The following SDK1 variants were observed in gnomAD, a reference collection of about 807,000 sequenced individuals.
SDK1 encodes the protein protein sidekick-1.
A neutral mutation model predicts 245.5 loss-of-function variants in SDK1; 157 were observed. That is an observed-to-expected ratio of 0.64 (90% CI 0.56 to 0.73). The LOEUF (loss-of-function observed/expected upper bound fraction) is 0.73, where lower values mean the gene tolerates loss of function less well. Ranked by LOEUF, SDK1 falls within the 30% of genes least tolerant of loss-of-function variation. The pLI is 0.00. For missense variants in SDK1, 3,583 were observed against 3,002.3 expected (o/e 1.19, Z -4.52); for synonymous variants, 1,647 against 1,278.5 (o/e 1.29, Z -6.15).
At chr7:3,541,886 C>T (rs1321942363) in intron 1 of SDK1, among the ~76,000 whole-genome samples, 1 of 152,070 alleles carries the variant, frequency 6.6e-6, no homozygotes, top group Non-Finnish European at 1.5e-5. Flanking sequence ...GTAATTTAAA[C>T]AGAGGAACAA....
chr7:3,780,533 A>T (rs1780699128), intron 4 of SDK1, among the ~76,000 whole-genome samples: 1 of 152,200 alleles, frequency 6.6e-6, no homozygotes, highest in Admixed American at 6.5e-5. Context: ...TGCCTTCATT[A>T]ACGTGGTAGG....
chr7:3,449,990 T>G (rs551975321), intron 1 of SDK1, among the ~76,000 whole-genome samples: 13 of 152,316 alleles, frequency 8.5e-5, no homozygotes, highest in African/African-American at 3.1e-4. Flanking sequence ...CGACGAGACT[T>G]CATGGAAGTG....
intron 1 of SDK1, among the ~76,000 whole-genome samples, chr7:3,354,962 C>T (rs575577568): frequency 7.9e-5 from 12 of 152,180 alleles, no homozygotes; most frequent in Non-Finnish European, 1.6e-4. Context: ...AAGTGGTTTA[C>T]TTTCTTGTGT....
chr7:3,913,908 G>C (rs1025617848), intron 5 of SDK1, among the ~76,000 whole-genome samples: 1 of 152,182 alleles, frequency 6.6e-6, no homozygotes, highest in Non-Finnish European at 1.5e-5. Context: ...ATTTGCCCCA[G>C]ATTACACATT....
chr7:4,017,945 G>A (rs898547048), intron 17 of SDK1, among the ~76,000 whole-genome samples: 4 of 152,180 alleles, frequency 2.6e-5, no homozygotes, highest in African/African-American at 7.2e-5. Context: ...CGGGTGCGGC[G>A]TGGCAGGCTT....
chr7:3,528,799 A>G (rs143239629), intron 1 of SDK1, among the ~76,000 whole-genome samples: 57 of 152,212 alleles, frequency 3.7e-4, no homozygotes, highest in African/African-American at 1.3e-3. Flanking sequence ...GAATTGTGCT[A>G]TTTATGAAAA....
At chr7:3,467,341 A>C (rs1348200131) in intron 1 of SDK1, among the ~76,000 whole-genome samples, 2 of 152,104 alleles carry the variant, frequency 1.3e-5, no homozygotes, top group Admixed American at 6.5e-5. Context: ...TTATTCATGT[A>C]ATTAAGAGCC....
chr7:3,775,273 A>C (rs973431876), intron 4 of SDK1, among the ~76,000 whole-genome samples: 1 of 152,330 alleles, frequency 6.6e-6, no homozygotes, highest in Non-Finnish European at 1.5e-5. Flanking sequence ...GTTTCTATTA[A>C]GTTGGACCAT....
chr7:4,067,740 C>G, intron 19 of SDK1, 98 bp from the exon 20 acceptor site: 1 of 831,202 alleles, frequency 1.2e-6, no homozygotes, highest in East Asian at 2.7e-5. Flanking sequence ...AGCCCCAGCT[C>G]ACCACTTTCC....
intron 35 of SDK1, among the ~76,000 whole-genome samples, chr7:4,192,351 C>G (rs1783257303): frequency 6.6e-6 from 1 of 152,218 alleles, no homozygotes; most frequent in African/African-American, 2.4e-5. Flanking sequence ...TCTTGGCTCA[C>G]TGCAAGCTCC....
intron 4 of SDK1, among the ~76,000 whole-genome samples, chr7:3,792,716 CCA>C (rs1778842608): frequency 6.6e-6 from 1 of 151,828 alleles, no homozygotes; most frequent in African/African-American, 2.4e-5. Context: ...ATCCATCCAT[CCA>C]TCCGTCTGTC....
intron 10 of SDK1, among the ~76,000 whole-genome samples, chr7:3,968,841 A>G (rs2128132053): frequency 6.6e-6 from 1 of 152,298 alleles, no homozygotes; most frequent in Admixed American, 6.5e-5. Flanking sequence ...TCTCACACTG[A>G]TATAAACACA....
intron 1 of SDK1, among the ~76,000 whole-genome samples, chr7:3,582,419 G>GCCTCCAC (rs1209535435): frequency 6.8e-6 from 1 of 147,980 alleles, no homozygotes; most frequent in Admixed American, 6.7e-5. Context: ...CCTCAGGTAG[G>GCCTCCAC]TCTGTCTCAG....
intron 1 of SDK1, among the ~76,000 whole-genome samples, chr7:3,594,316 GT>G (rs373076499): frequency 6.6e-6 from 1 of 152,334 alleles, no homozygotes; most frequent in African/African-American, 2.4e-5. Context: ...TTAATAAAGT[GT>G]GTGGATATAC....
chr7:3,566,434 C>T (rs1195564760), intron 1 of SDK1, among the ~76,000 whole-genome samples: 8 of 151,906 alleles, frequency 5.3e-5, no homozygotes, highest in Non-Finnish European at 1.0e-4. Flanking sequence ...ACTGTGTTAG[C>T]CAGGATGGTC....
At chr7:4,248,118 G>A (rs1332970244) in intron 44 of SDK1, among the ~76,000 whole-genome samples, 1 of 152,124 alleles carries the variant, frequency 6.6e-6, no homozygotes. Context: ...GAGCACACCC[G>A]TGAACTGAGC....
intron 1 of SDK1, among the ~76,000 whole-genome samples, chr7:3,512,398 C>G (rs1400485612): frequency 4.6e-5 from 7 of 152,110 alleles, no homozygotes; most frequent in African/African-American, 1.4e-4. Flanking sequence ...CAAGTTTTCG[C>G]AATTATGAAT....
intron 1 of SDK1, among the ~76,000 whole-genome samples, chr7:3,517,209 TA>T (rs1782781794): frequency 2.0e-5 from 3 of 152,206 alleles, no homozygotes; most frequent in Non-Finnish European, 4.4e-5. Context: ...TTATTAGGTT[TA>T]TAAGAGTGCC....
intron 1 of SDK1, among the ~76,000 whole-genome samples, chr7:3,332,912 A>G (rs990262968): frequency 5.3e-5 from 8 of 152,164 alleles, no homozygotes; most frequent in African/African-American, 1.9e-4. Flanking sequence ...TCAGCTTACC[A>G]CTTTGACATT....
Sources: gnomAD v4.1 joint callset for allele counts (sites outside exome capture counted in the v4.1 genomes callset) on GRCh38, gnomAD v4.1.1 for gene constraint, MANE v1.5 for transcripts, NCBI Gene and HGNC (gene_info 2026-07-23, HGNC 2026-07-21) for gene names.